CRB2: variants seen among roughly 807,000 people sequenced by gnomAD.
CRB2 encodes protein crumbs homolog 2.
Under a neutral mutation model 110.9 loss-of-function variants are expected in CRB2, and 85 were observed. The observed-to-expected ratio is 0.77, with a 90% confidence interval of 0.64 to 0.92. The LOEUF (loss-of-function observed/expected upper bound fraction) is 0.92. Among genes scored for constraint, CRB2 ranks in the 40% least tolerant of loss-of-function variants. The pLI, the probability that CRB2 is intolerant of heterozygous loss-of-function variation, is 0.00. For missense variants in CRB2, 1,843 were observed against 1,851.3 expected, an observed-to-expected ratio of 1.00 and a Z score of 0.08; for synonymous variants, 907 against 831.0, an observed-to-expected ratio of 1.09 and a Z score of -1.57.
At chr9:123,358,320 T>A (rs2132728690) in intron 1 of CRB2, among the ~76,000 whole-genome samples, 1 of 152,304 alleles carries the variant, frequency 6.6e-6, no homozygotes, top group Non-Finnish European at 1.5e-5. Flanking sequence ...ACCAAGCATC[T>A]TGGAGTACAA....
At chr9:123,359,223 C>A (rs12339910) in intron 1 of CRB2, among the ~76,000 whole-genome samples, 1 of 152,086 alleles carries the variant, frequency 6.6e-6, no homozygotes, top group Admixed American at 6.6e-5. Context: ...GAGTGAGTGT[C>A]TGCAAGCCTC....
At chr9:123,357,125 G>GT (rs1447823469) in intron 1 of CRB2, among the ~76,000 whole-genome samples, 2 of 152,040 alleles carry the variant, frequency 1.3e-5, no homozygotes, top group Admixed American at 6.5e-5. Context: ...GAACATGTGT[G>GT]TGTCCCCTGC....
At chr9:123,359,436 G>GTTTTTTTTTTTTTTTTTTTTTTTTTTTTT (rs1319039345) in intron 1 of CRB2, among the ~76,000 whole-genome samples, 1 of 62,422 alleles carries the variant, frequency 1.6e-5, no homozygotes, top group African/African-American at 6.5e-5. Context: ...TTTCGTTTTT[G>GTTTTTTTTTTTTTTTTTTTTTTTTTTTTT]TTTTGTTTTT....
chr9:123,355,630 G>A (rs886399007), upstream of CRB2, among the ~76,000 whole-genome samples: 2 of 148,414 alleles, frequency 1.3e-5, no homozygotes, highest in South Asian at 4.4e-4. Flanking sequence ...CAGGAGCTAG[G>A]GGCTGACCGA....
chr9:123,370,424 C>A lies in CRB2; in HGVS notation c.1371C>A (p.Gly457=). Reference sequence around the variant, plus strand: ...TTCAGGCATCAGTGCCAGCTGGTGGCCCCCTGGGTCTGGCACTGAGGTTTC... The same window carrying A: ...TTCAGGCATCAGTGCCAGCTGGTGGACCCCTGGGTCTGGCACTGAGGTTTC... ...SPIQASVPAG[G]PLGLALRFRT... Residue 457 remains glycine (G), a synonymous_variant, in exon 7 of 13, where the codon GGC becomes GGA. Transcript: ENST00000373631. 5 of 1,613,424 alleles carry A rather than the reference C, an allele frequency of 3.1e-6. No individual in the cohort carries two copies. The highest frequency in any genetic ancestry group is 3.3e-5 in the Admixed American group (2 of 60,022).
At chr9:123,376,608 A>G (rs1009370412) in intron 12 of CRB2, among the ~76,000 whole-genome samples, 3 of 152,078 alleles carry the variant, frequency 2.0e-5, no homozygotes, top group African/African-American at 7.2e-5. Flanking sequence ...CTGTCCTTCT[A>G]GCCAGAACTC....
intron 4 of CRB2, among the ~76,000 whole-genome samples, chr9:123,366,598 T>G (rs1384175913): frequency 1.3e-5 from 2 of 152,246 alleles, no homozygotes; most frequent in Non-Finnish European, 2.9e-5. Context: ...GTGCGACGCC[T>G]GGGAAGCCCT....
intron 6 of CRB2, chr9:123,368,934 T>C: frequency 2.4e-6 from 3 of 1,248,558 alleles, no homozygotes; most frequent in South Asian, 1.3e-5. Flanking sequence ...GGGCCACCTG[T>C]GGCTCCTGGC....
intron 8 of CRB2, 100 bp from the exon 9 acceptor site, chr9:123,372,077 G>A: frequency 8.6e-7 from 1 of 1,163,304 alleles, no homozygotes; most frequent in African/African-American, 1.5e-5. Context: ...GAGATACTGT[G>A]TCTGTAGTAG....
rs1415299813 is a variant in CRB2, at chr9:123,374,576, C to T, written c.3390-3C>T. ...CCCACTCCAGCCTCTGCTCTCTCCCCAGGTTGCCTGTCCCATCCAAGGAGT... is the reference window on the plus strand; with the variant it reads ...CCCACTCCAGCCTCTGCTCTCTCCCTAGGTTGCCTGTCCCATCCAAGGAGT... On this transcript the variant is annotated splice_polypyrimidine_tract_variant and splice_region_variant and intron_variant, in intron 10 of 12. Transcript: ENST00000373631. The T allele has an allele frequency of 3.7e-6, 6 of 1,610,478 alleles. No homozygotes were observed. Among genetic ancestry groups the T allele is most frequent in the African/African-American group, 1.3e-5 (1 of 75,016 alleles).
At chr9:123,368,737 C>G in intron 6 of CRB2, 1 of 1,093,980 alleles carries the variant, frequency 9.1e-7, no homozygotes, top group Non-Finnish European at 1.1e-6. Flanking sequence ...CATCCTCCCT[C>G]CCTTTAGGCC....
At chr9:123,355,845 G>A (rs1214809277), upstream of CRB2, among the ~76,000 whole-genome samples, 3 of 151,882 alleles carry the variant, frequency 2.0e-5, no homozygotes, top group Non-Finnish European at 4.4e-5. Flanking sequence ...AGGTGGGGAG[G>A]GGGATCCAGG....
chr9:123,364,721 C>T (rs535154755), intron 2 of CRB2, among the ~76,000 whole-genome samples: 6 of 152,306 alleles, frequency 3.9e-5, no homozygotes, highest in African/African-American at 1.4e-4. Flanking sequence ...TACAGTGACA[C>T]GTGAGTCCAG....
Position 123,366,337 on chromosome 9 carries a change from T to C in CRB2, c.725T>C (p.Leu242Pro). The C allele has an allele frequency of 6.5e-7, 1 of 1,545,692 alleles. No individual in the cohort carries two copies. Among genetic ancestry groups the C allele is most frequent in the Non-Finnish European group, 8.6e-7 (1 of 1,158,446 alleles). The change falls in exon 4 of 13, where the codon CTC (leucine) becomes CCC (proline). Residue 242 changes from leucine to proline, a missense_variant. Transcript: ENST00000373631. ...CEHNASCLEG[L>P]GSFRCLCWPG... ...CACAACGCGTCCTGCCTCGAGGGCCTCGGGAGCTTCCGCTGCCTCTGTTGG... is the reference window on the plus strand; with the variant it reads ...CACAACGCGTCCTGCCTCGAGGGCCCCGGGAGCTTCCGCTGCCTCTGTTGG...
chr9:123,380,307 A>ATAAT (rs1348346806), downstream of CRB2: 3 of 152,590 alleles, frequency 2.0e-5, no homozygotes, highest in Non-Finnish European at 2.9e-5. Context: ...AAAAAGAAAG[A>ATAAT]TAATAAACAT....
At position 123,374,344 on chromosome 9, in the gene CRB2, G is replaced by C. The variant is rs13288149; in HGVS notation, c.3390-235G>C. Among the ~76,000 whole-genome samples, 19,146 of 152,180 alleles carry C rather than the reference G, an allele frequency of 0.13. 1,441 individuals are homozygous for C. Among genetic ancestry groups the C allele is most frequent in the East Asian group, 0.27 (1,375 of 5,162 alleles). On this transcript the variant is annotated intron_variant, in intron 10 of 12. Transcript: ENST00000373631. ...GAATGTCCAGGCGTTGTGTTTAGGA[G>C]CTGCTTTTGTTCAGAGTCCTTACAC...
In CRB2 at chr9:123,371,433, G is replaced by A. The variant is rs776031963; in HGVS notation, c.2291G>A (p.Arg764Gln). 1.1e-5 allele frequency: 17 copies of A among 1,611,644 alleles called. No individual in the cohort carries two copies. The South Asian group carries it at 1.3e-4, about 13-fold the overall frequency. The change falls in exon 8 of 13, where the codon CGA becomes CAA. Residue 764 changes from arginine to glutamine, a missense_variant. Physicochemically the swap from Arg to Gln is conservative, Grantham distance 43 (BLOSUM62 1). Coordinates refer to ENST00000373631, the MANE Select transcript of CRB2 (RefSeq NM_173689.7). ...AGCCAGCCCTGGGGTGGGCCCTTCC[G>A]AGGCTGCCTCCAGGACCTGCGACTC... ...ADSQPWGGPF[R>Q]GCLQDLRLDG...
At chr9:123,358,170 A>G (rs944400948) in intron 1 of CRB2, among the ~76,000 whole-genome samples, 4 of 152,062 alleles carry the variant, frequency 2.6e-5, no homozygotes, top group African/African-American at 4.8e-5. Context: ...TTGAAAACCA[A>G]TTTCCATCCT....
chr9:123,356,462 G>A (rs1179863370), intron 1 of CRB2, 108 bp downstream of exon 1: 65 of 785,344 alleles, frequency 8.3e-5, no homozygotes, highest in Admixed American at 6.3e-5. Flanking sequence ...CCGCGTGGGT[G>A]CAGGCCTGAG....
Sources: allele counts gnomAD v4.1 joint callset (sites outside exome capture counted in the v4.1 genomes callset), GRCh38; gene constraint gnomAD v4.1.1; transcripts MANE v1.5; gene names NCBI Gene and HGNC (gene_info 2026-07-23, HGNC 2026-07-21).